Variants in SGPP2 observed in about 807,000 individuals in gnomAD.
SGPP2 encodes sphingosine-1-phosphate phosphatase 2, also known as sphingosine 1-phosphate phosphohydrolase 2.
A neutral mutation model predicts 33.9 loss-of-function variants in SGPP2; 30 were observed. The observed-to-expected ratio is 0.89, with a 90% confidence interval of 0.66 to 1.20. The LOEUF is 1.20. SGPP2 is among the 50% of genes most tolerant of loss of function. SGPP2 has a pLI of 0.00. For missense variants in SGPP2, 458 were observed against 532.1 expected, an observed-to-expected ratio of 0.86 and a Z score of 1.37; for synonymous variants, 233 against 225.0, an observed-to-expected ratio of 1.04 and a Z score of -0.32.
At chr2:222,463,806 T>G (rs1279937880) in intron 1 of SGPP2, among the ~76,000 whole-genome samples, 2 of 152,234 alleles carry the variant, frequency 1.3e-5, no homozygotes, top group Non-Finnish European at 2.9e-5. Flanking sequence ...CATAAAAGAT[T>G]ATCACAGAAA....
chr2:222,528,401 G>A (rs1257044876), intron 4 of SGPP2, among the ~76,000 whole-genome samples: 1 of 151,902 alleles, frequency 6.6e-6, no homozygotes, highest in Non-Finnish European at 1.5e-5. Flanking sequence ...ACACTATTCT[G>A]TTGTCTAGTA....
At chr2:222,467,591 T>G (rs1453714713) in intron 1 of SGPP2, among the ~76,000 whole-genome samples, 2 of 152,106 alleles carry the variant, frequency 1.3e-5, no homozygotes, top group African/African-American at 4.8e-5. Flanking sequence ...CCCTAGGCCT[T>G]CCTTCTTCCC....
intron 1 of SGPP2, among the ~76,000 whole-genome samples, chr2:222,435,028 G>GTAAATATATGTGTATATATACACA (rs1697216389): frequency 7.1e-6 from 1 of 140,544 alleles, no homozygotes; most frequent in Admixed American, 7.0e-5. Flanking sequence ...GTATATGTGT[G>GTAAATATATGTGTATATATACACA]TATATATATG....
chr2:222,434,910 C>G (rs1390365860), intron 1 of SGPP2, among the ~76,000 whole-genome samples: 2 of 151,386 alleles, frequency 1.3e-5, no homozygotes, highest in African/African-American at 2.4e-5. Flanking sequence ...GAAGGAGCCT[C>G]TGTTAGAAGT....
chr2:222,440,123 C>T lies in SGPP2; in HGVS notation c.219+15302C>T, dbSNP rs570408295. 2.9e-4 allele frequency among the ~76,000 whole-genome samples: 44 copies of T among 152,188 alleles called. 1 individual carries two copies. Among genetic ancestry groups the T allele is most frequent in the Non-Finnish European group, 4.6e-4 (31 of 68,038 alleles). Reference sequence around the variant, plus strand: ...ACAGGCATTATTTGTACTTTCTGCACAAGGAAATGTAGAATAGCATTTGGG... The same window carrying T: ...ACAGGCATTATTTGTACTTTCTGCATAAGGAAATGTAGAATAGCATTTGGG... On this transcript the variant is annotated intron_variant, in intron 1 of 4. Transcript: ENST00000321276.
intron 1 of SGPP2, 136 bp downstream of exon 1, chr2:222,424,957 G>C (rs1407176926): frequency 5.7e-6 from 4 of 696,986 alleles, no homozygotes; most frequent in African/African-American, 5.6e-5. Context: ...CCGCCGCTGC[G>C]AGCGGACGGG....
At chr2:222,503,731 T>C (rs754983574) in intron 2 of SGPP2, among the ~76,000 whole-genome samples, 1 of 152,176 alleles carries the variant, frequency 6.6e-6, no homozygotes, top group Non-Finnish European at 1.5e-5. Flanking sequence ...CCTTCCTTCT[T>C]CATGGGTCTT....
chr2:222,455,833 T>G (rs997556074), intron 1 of SGPP2, among the ~76,000 whole-genome samples: 2 of 152,196 alleles, frequency 1.3e-5, no homozygotes, highest in African/African-American at 4.8e-5. Context: ...GCCCAGGAGT[T>G]TGATGCTTCA....
At chr2:222,547,799 A>G (rs1395835282) in intron 4 of SGPP2, among the ~76,000 whole-genome samples, 1 of 152,214 alleles carries the variant, frequency 6.6e-6, no homozygotes, top group East Asian at 1.9e-4. Flanking sequence ...AGTCATATAA[A>G]TAAACACTGA....
chr2:222,445,484 C>T (rs1488677173), intron 1 of SGPP2, among the ~76,000 whole-genome samples: 1 of 152,182 alleles, frequency 6.6e-6, no homozygotes, highest in Non-Finnish European at 1.5e-5. Flanking sequence ...GTTGCTTGAC[C>T]CACATAGGCA....
At position 222,521,859 on chromosome 2, in the gene SGPP2, C is replaced by T. The variant is rs3738999; in HGVS notation, c.471C>T (p.Ile157=). The T allele has an allele frequency of 0.034, 55,198 of 1,610,302 alleles. 2,621 individuals carry two copies. Among genetic ancestry groups the T allele is most frequent in the African/African-American group, 0.22 (16,697 of 74,456 alleles). Residue 157 remains isoleucine (I), a synonymous_variant, in exon 3 of 5, where the codon ATC becomes ATT. Coordinates refer to ENST00000321276, the MANE Select transcript of SGPP2 (RefSeq NM_152386.4). ...PPVVKLEKRL[I]AEYGMPSTHA... ...TTGTAAAACTGGAAAAGAGACTGAT[C>T]GCTGAATATGGAATGCCATCCACCC...
chr2:222,447,978 C>T (rs1243434125), intron 1 of SGPP2, among the ~76,000 whole-genome samples: 4 of 152,198 alleles, frequency 2.6e-5, no homozygotes, highest in African/African-American at 7.2e-5. Flanking sequence ...TCCAACACCA[C>T]GAAGCAATTT....
intron 2 of SGPP2, among the ~76,000 whole-genome samples, chr2:222,510,467 TAA>T (rs2106124795): frequency 6.6e-6 from 1 of 152,352 alleles, no homozygotes; most frequent in Non-Finnish European, 1.5e-5. Flanking sequence ...AGATAGACTG[TAA>T]ATCCCAGCAG....
intron 1 of SGPP2, among the ~76,000 whole-genome samples, chr2:222,464,158 G>A (rs148329511): frequency 3.9e-5 from 6 of 152,236 alleles, no homozygotes; most frequent in African/African-American, 9.6e-5. Context: ...AAAAATGTTC[G>A]GTTCAATGTG....
At chr2:222,437,698 C>G (rs2106063322) in intron 1 of SGPP2, among the ~76,000 whole-genome samples, 1 of 152,288 alleles carries the variant, frequency 6.6e-6, no homozygotes, top group East Asian at 1.9e-4. Flanking sequence ...CTAGGTGGGT[C>G]AGAAAGCACC....
chr2:222,520,721 T>TG (rs1698671234), intron 2 of SGPP2, among the ~76,000 whole-genome samples: 1 of 46,896 alleles, frequency 2.1e-5, no homozygotes, highest in Non-Finnish European at 6.2e-5. Flanking sequence ...AGTGAGACTC[T>TG]GAAAAAAAAA....
At chr2:222,532,136 T>C (rs1006965849) in intron 4 of SGPP2, among the ~76,000 whole-genome samples, 2 of 152,092 alleles carry the variant, frequency 1.3e-5, no homozygotes, top group African/African-American at 4.8e-5. Context: ...TAGCCAGGTG[T>C]GCTGGCACAT....
chr2:222,504,084 C>G (rs979185619), intron 2 of SGPP2: 1 of 152,206 alleles, frequency 6.6e-6, no homozygotes, highest in African/African-American at 2.4e-5. Flanking sequence ...TTGATGCTTG[C>G]TTCATTGCCT....
intron 4 of SGPP2, among the ~76,000 whole-genome samples, chr2:222,551,371 AT>A (rs1190747093): frequency 2.6e-5 from 4 of 152,234 alleles, no homozygotes; most frequent in African/African-American, 7.2e-5. Context: ...ATGCAAAAAA[AT>A]AAAAATAAAA....
Sources: gnomAD v4.1 joint callset for allele counts (sites outside exome capture counted in the v4.1 genomes callset) on GRCh38, gnomAD v4.1.1 for gene constraint, MANE v1.5 for transcripts, NCBI Gene and HGNC (gene_info 2026-07-23, HGNC 2026-07-21) for gene names.